Variants in TAF1 observed in about 807,000 individuals in gnomAD.
TAF1 encodes the protein TATA-box binding protein associated factor 1, also known as transcription initiation factor TFIID subunit 1.
TAF1 carries 2 observed loss-of-function variants against 138.5 expected under a neutral mutation model. That is an observed-to-expected ratio of 0.01 (90% CI 0.01 to 0.05). The LOEUF is 0.05. Ranked by LOEUF, TAF1 falls within the 10% of genes least tolerant of loss-of-function variation. TAF1 has a pLI of 1.00. For missense variants in TAF1, 709 were observed against 1,478.0 expected (o/e 0.48, Z 8.53); for synonymous variants, 437 against 503.2 (o/e 0.87, Z 1.76).
At chrX:71,509,994 A>G (rs1388886403) in intron 13 of TAF1, among the ~76,000 whole-genome samples, 4 of 109,302 alleles carry the variant, frequency 3.7e-5, no homozygotes, top group African/African-American at 1.3e-4. Context: ...AATAATAATA[A>G]TAATGATAAT....
At chrX:71,395,205 T>G (rs1413731213) in intron 22 of TAF1, among the ~76,000 whole-genome samples, 1 of 111,602 alleles carries the variant, frequency 9.0e-6, no homozygotes, top group Non-Finnish European at 1.9e-5. Flanking sequence ...TTGGTACCAT[T>G]GATTAAAGTA....
intron 13 of TAF1, among the ~76,000 whole-genome samples, chrX:71,504,831 G>C (rs1248879541): frequency 9.8e-6 from 1 of 102,281 alleles, no homozygotes; most frequent in Non-Finnish European, 2.0e-5. Flanking sequence ...GGTGGGCAAA[G>C]TCTAAAATAT....
At chrX:71,403,649 G>C (rs2035299306) in intron 25 of TAF1, among the ~76,000 whole-genome samples, 1 of 111,119 alleles carries the variant, frequency 9.0e-6, no homozygotes, top group Non-Finnish European at 1.9e-5. Flanking sequence ...TTTAGCATCG[G>C]TTGATGACCA....
intron 3 of TAF1, among the ~76,000 whole-genome samples, chrX:71,372,949 C>T (rs1768219410): frequency 9.0e-6 from 1 of 110,639 alleles, no homozygotes; most frequent in African/African-American, 3.3e-5. Flanking sequence ...TCACTGCAAG[C>T]TCCGCCTCCC....
downstream of TAF1, among the ~76,000 whole-genome samples, chrX:71,470,948 G>A (rs2038872427): frequency 9.1e-6 from 1 of 109,549 alleles, no homozygotes; most frequent in African/African-American, 3.3e-5. Flanking sequence ...AAGCCCAGGA[G>A]CTCGAAGCTA....
rs184843553 is a variant in TAF1 at position 71,496,446 on chromosome X, G to C, written c.1367-32096G>C. On this transcript the variant is annotated intron_variant and NMD_transcript_variant, in intron 13 of 14. Coordinates refer to the TAF1 transcript ENST00000373775. The stretch of plus-strand genomic sequence containing the variant: ...TTACCCTGGCTTTTAAAGGAATAGG[G>C]TACACCGTTTTTTCTTTACTACTTC... 8.8e-4 allele frequency among the ~76,000 whole-genome samples: 99 copies of C among 111,930 alleles called. 1 individual carries two copies. The highest frequency in any genetic ancestry group is 2.4e-3 in the Admixed American group (25 of 10,547).
At chrX:71,467,014 A>G (rs2038774098), downstream of TAF1, among the ~76,000 whole-genome samples, 1 of 98,440 alleles carries the variant, frequency 1.0e-5, no homozygotes, top group African/African-American at 3.7e-5. Context: ...CACAGAGGAG[A>G]CCCTTAAAAA....
At chrX:71,406,468 G>C (rs1256968347) in intron 25 of TAF1, among the ~76,000 whole-genome samples, 170 bp from the exon 26 acceptor site, 3 of 110,708 alleles carry the variant, frequency 2.7e-5, no homozygotes, top group Non-Finnish European at 5.7e-5. Flanking sequence ...GAGCCTATGA[G>C]GGCTTGCCTG....
intron 18 of TAF1, 180 bp downstream of exon 18, chrX:71,389,845 G>A: frequency 2.9e-6 from 1 of 346,135 alleles, no homozygotes; most frequent in Non-Finnish European, 4.8e-6. Flanking sequence ...TATTTTATAT[G>A]ATATGGGTTT....
intron 29 of TAF1, among the ~76,000 whole-genome samples, chrX:71,422,587 A>G (rs1249868752): frequency 9.2e-6 from 1 of 108,456 alleles, no homozygotes; most frequent in Non-Finnish European, 1.9e-5. Context: ...GGCCTCCCAG[A>G]TTGCTGGGAT....
rs1196642728 is a variant in TAF1 at position 71,368,814 on chromosome X, CAAAAA to C, written c.352+657_352+661del. On this transcript the variant is annotated intron_variant, in intron 3 of 37. Transcript: ENST00000423759. Reference sequence around the variant, plus strand: ...GCAGCAAGAGTGAGACACTCCGTCTCAAAAAAAAAAAAAAAAACCCAATATAAAAC... The same window carrying C: ...GCAGCAAGAGTGAGACACTCCGTCTCAAAAAAAAAAAACCCAATATAAAAC... 1.2e-4 allele frequency: 3 copies of C among 25,013 alleles called. No homozygotes were observed. In the Admixed American group the frequency reaches 1.6e-3, roughly 13 times the overall value. 2.1% of individuals were successfully genotyped at this position (25,013 alleles called of 1,213,427 possible). A position where few individuals can be genotyped will look rare whatever the true frequency, so the allele number is the denominator to read the frequency against.
At position 71,457,470 on chromosome X, in the gene TAF1, A is replaced by G. The variant is rs28382205; in HGVS notation, c.4939-771A>G. On this transcript the variant is annotated intron_variant, in intron 34 of 37. Transcript: ENST00000423759. ...GTCTTAACTCTTTTCACTTTACATT[A>G]TTTTGTGAGCACTTTATCTAGTCCT... 4.2e-3 allele frequency among the ~76,000 whole-genome samples: 475 copies of G among 112,246 alleles called. 4 individuals carry two copies. Among genetic ancestry groups the G allele is most frequent in the African/African-American group, 0.014 (438 of 30,958 alleles).
intron 13 of TAF1, among the ~76,000 whole-genome samples, chrX:71,516,115 G>A (rs2039819422): frequency 9.1e-6 from 1 of 109,963 alleles, no homozygotes; most frequent in Non-Finnish European, 1.9e-5. Context: ...AGGCGGAAGT[G>A]CAACGGTGCA....
In TAF1 at chrX:71,377,618, C is replaced by T; in HGVS notation, c.730C>T (p.Arg244Cys). 8.3e-7 allele frequency: 1 copy of T among 1,210,880 alleles called. No homozygotes were observed. The highest frequency in any genetic ancestry group is 1.1e-6 in the Non-Finnish European group (1 of 895,321). Residue 244 changes from arginine to cysteine, a missense_variant, in exon 6 of 38, where the codon CGT (arginine) becomes TGT (cysteine). By Grantham distance (180) the Arg-to-Cys change is radical. This residue lies in a region of TAF1 where 16 missense variants were observed against 42.1 expected (regional missense o/e 0.38). Transcript: ENST00000423759. ...FRPGKVLRFL[R>C]LFGPGKNVPS... is the part of the protein sequence containing the mutation. ...TGTGTTCTAGGTGTTACGTTTTCTA[C>T]GTCTTTTTGGACCAGGGAAGAATGT...
chrX:71,529,753 T>C (rs144354009), exon 15 of TAF1: 132 of 330,086 alleles, frequency 4.0e-4, no homozygotes, highest in African/African-American at 3.2e-3. Flanking sequence ...CAGACTTGGA[T>C]TGGAAGAATG....
intron 5 of TAF1, 125 bp from the exon 6 acceptor site, chrX:71,377,478 T>A (rs753682517): frequency 2.7e-5 from 24 of 885,105 alleles, no homozygotes; most frequent in Non-Finnish European, 3.7e-5. Flanking sequence ...CAAGTCTGAA[T>A]GCGACACTCC....
intron 13 of TAF1, among the ~76,000 whole-genome samples, chrX:71,498,809 C>T (rs958845009): frequency 4.5e-5 from 5 of 111,684 alleles, no homozygotes; most frequent in Admixed American, 2.9e-4. Context: ...GTGAAAAGAG[C>T]AAAGTCTCCC....
chrX:71,466,058 G>A (rs1423048649), downstream of TAF1: 1 of 111,734 alleles, frequency 8.9e-6, no homozygotes, highest in Non-Finnish European at 1.9e-5. Context: ...AGAGAGAATG[G>A]AGCCCAAACT....
At chrX:71,426,490 C>T (rs773378612) in intron 32 of TAF1, among the ~76,000 whole-genome samples, 48 of 111,623 alleles carry the variant, frequency 4.3e-4, no homozygotes, top group Middle Eastern at 9.4e-3. Flanking sequence ...CCGAGGCCGG[C>T]GGATCACCTG....
Sources: gnomAD v4.1 joint callset for allele counts (sites outside exome capture counted in the v4.1 genomes callset) on GRCh38, gnomAD v4.1.1 for gene constraint, gnomAD v4.1.1 regional missense constraint, MANE v1.5 for transcripts, NCBI Gene and HGNC (gene_info 2026-07-23, HGNC 2026-07-21) for gene names.